The following SH3PXD2A variants were observed in gnomAD, a reference collection of about 807,000 sequenced individuals.
SH3PXD2A encodes SH3 and PX domains 2A, also known as SH3 and PX domain-containing protein 2A.
SH3PXD2A carries 32 observed loss-of-function variants against 115.2 expected under a neutral mutation model. That is an observed-to-expected ratio of 0.28 (90% CI 0.21 to 0.37). The LOEUF is 0.37. Among genes scored for constraint, SH3PXD2A ranks in the 10% least tolerant of loss-of-function variants. The pLI is 1.00. For missense variants in SH3PXD2A, 1,328 were observed against 1,498.7 expected, an observed-to-expected ratio of 0.89 and a Z score of 1.88; for synonymous variants, 610 against 629.1, an observed-to-expected ratio of 0.97 and a Z score of 0.45.
At chr10:103,769,181 T>TGTGTGTGC (rs1554921417) in intron 2 of SH3PXD2A, among the ~76,000 whole-genome samples, 19 of 112,944 alleles carry the variant, frequency 1.7e-4, no homozygotes, top group Admixed American at 7.9e-4. Context: ...TGTGTGTGTG[T>TGTGTGTGC]GCGCGCGCGC....
chr10:103,610,914 C>T (rs899648135), intron 13 of SH3PXD2A, among the ~76,000 whole-genome samples: 19 of 152,254 alleles, frequency 1.2e-4, no homozygotes, highest in African/African-American at 3.4e-4. Context: ...AAGACACACT[C>T]TTTCCACTAC....
At chr10:103,820,617 C>G (rs1247110742) in intron 1 of SH3PXD2A, among the ~76,000 whole-genome samples, 3 of 152,250 alleles carry the variant, frequency 2.0e-5, no homozygotes, top group Middle Eastern at 3.4e-3. Context: ...GAGCCCACCC[C>G]CAGTGAGCCT....
At chr10:103,615,537 T>TGTGTGTGTGTGTGTGTG (rs1554903781) in intron 11 of SH3PXD2A, among the ~76,000 whole-genome samples, 11 of 112,726 alleles carry the variant, frequency 9.8e-5, no homozygotes, top group East Asian at 4.6e-4. Flanking sequence ...TGTGTAGGGG[T>TGTGTGTGTGTGTGTGTG]TGGGGGAGGA....
At chr10:103,682,872 T>C (rs1474284613) in intron 6 of SH3PXD2A, among the ~76,000 whole-genome samples, 1 of 152,178 alleles carries the variant, frequency 6.6e-6, no homozygotes, top group African/African-American at 2.4e-5. Flanking sequence ...AGGAAGATCT[T>C]TGCCACATTC....
intron 4 of SH3PXD2A, among the ~76,000 whole-genome samples, chr10:103,725,758 G>A (rs2038233467): frequency 6.6e-6 from 1 of 152,102 alleles, no homozygotes; most frequent in Non-Finnish European, 1.5e-5. Context: ...GAACCCAGGA[G>A]GCAGAGGCTG....
At position 103,805,148 on chromosome 10, in the gene SH3PXD2A, C is replaced by T. The variant is rs79490543; in HGVS notation, c.73-3786G>A. 3.3e-5 allele frequency among the ~76,000 whole-genome samples: 5 copies of T among 152,314 alleles called. No individual in the cohort carries two copies. In the East Asian group the frequency reaches 7.7e-4, roughly 24 times the overall value. ...GGCTTAACACACATCCTCCATCCCACTAGCAATTAGGCTTCCCTTCACCTC... is the reference window on the plus strand; with the variant it reads ...GGCTTAACACACATCCTCCATCCCATTAGCAATTAGGCTTCCCTTCACCTC... On this transcript the variant is annotated intron_variant, in intron 1 of 14. Coordinates refer to ENST00000369774, the MANE Select transcript of SH3PXD2A (RefSeq NM_001394015.1).
chr10:103,734,883 G>A (rs1002300565), intron 4 of SH3PXD2A, among the ~76,000 whole-genome samples: 1 of 152,186 alleles, frequency 6.6e-6, no homozygotes, highest in Non-Finnish European at 1.5e-5. Flanking sequence ...TGAGCCAGAC[G>A]CTGTGCTGTT....
rs2036247666 is a variant in SH3PXD2A at position 103,603,264 on chromosome 10, G to T, written c.1954C>A (p.Leu652Met). The T allele has an allele frequency of 6.2e-7, 1 of 1,614,110 alleles. No individual in the cohort carries two copies. Residue 652 changes from leucine to methionine, a missense_variant, in exon 15 of 15, where the codon CTG becomes ATG. By Grantham distance (15) the Leu-to-Met change is conservative. Around this residue, in one of 5 missense-constraint regions of SH3PXD2A, gnomAD observed 574 missense variants for 565.7 expected, o/e 1.01. Transcript: ENST00000369774. ...GATTTGGGGGAGTTTTTCCTGGTCA[G>T]GGACAGCGAGGAGCTGCCTGGGGAG... is the stretch of plus-strand genomic sequence containing the variant. ...SDSPGSSSLS[L>M]TRKNSPKSGS...
chr10:103,819,844 G>C (rs916473440), intron 1 of SH3PXD2A, among the ~76,000 whole-genome samples: 3 of 151,974 alleles, frequency 2.0e-5, no homozygotes, highest in African/African-American at 7.3e-5. Flanking sequence ...GAGGGGGGGA[G>C]ATGGGAGCCC....
chr10:103,656,828 C>CAAAAA (rs10692439), intron 8 of SH3PXD2A, among the ~76,000 whole-genome samples: 8 of 111,860 alleles, frequency 7.2e-5, no homozygotes, highest in Admixed American at 1.9e-4. Flanking sequence ...AACTCCATCT[C>CAAAAA]AAAAAAAAAA....
In SH3PXD2A at chr10:103,809,711, G is replaced by C. The variant is rs185414675; in HGVS notation, c.73-8349C>G. ...CCTCCCTTCCTTCTTTTGAGAGAGA[G>C]TCTCGCTCTGTCATCCAGGCTGGAG... On this transcript the variant is annotated intron_variant, in intron 1 of 14. Coordinates refer to ENST00000369774, the MANE Select transcript of SH3PXD2A (RefSeq NM_001394015.1). 5.0e-3 allele frequency among the ~76,000 whole-genome samples: 631 copies of C among 126,248 alleles called. 8 individuals are homozygous for C. Among genetic ancestry groups the C allele is most frequent in the African/African-American group, 0.018 (592 of 32,942 alleles). The allele number at this position is 126,248 out of a possible 152,430, so 82.8% of individuals were successfully genotyped here. A position where few individuals can be genotyped will look rare whatever the true frequency, so the allele number is the denominator to read the frequency against.
Position 103,702,596 on chromosome 10 carries a change from C to CGTGTGTGTGTGTGTGTGTGTGT in SH3PXD2A, c.399-9541_399-9540insACACACACACACACACACACAC, listed in dbSNP as rs6144056. Among the ~76,000 whole-genome samples the CGTGTGTGTGTGTGTGTGTGTGT allele has an allele frequency of 7.1e-3, 1,050 of 147,528 alleles. 12 individuals carry two copies. Among genetic ancestry groups the CGTGTGTGTGTGTGTGTGTGTGT allele is most frequent in the East Asian group, 0.02 (98 of 4,882 alleles). On this transcript the variant is annotated intron_variant, in intron 5 of 14. Coordinates refer to ENST00000369774, the MANE Select transcript of SH3PXD2A (RefSeq NM_001394015.1). ...GAACAGATGTAAGCCTGTGTGTGTG[C>CGTGTGTGTGTGTGTGTGTGTGT]GTGTGTGTGTGTGTGTGCATGCTGG...
chr10:103,717,653 G>T (rs181654992), intron 5 of SH3PXD2A, among the ~76,000 whole-genome samples: 2 of 152,202 alleles, frequency 1.3e-5, no homozygotes, highest in African/African-American at 4.8e-5. Context: ...AGTTCCTAGC[G>T]TTCGTTTCAA....
At chr10:103,758,684 G>A (rs930976837) in intron 3 of SH3PXD2A, among the ~76,000 whole-genome samples, 4 of 152,374 alleles carry the variant, frequency 2.6e-5, no homozygotes, top group Admixed American at 6.5e-5. Context: ...AGATTACAGA[G>A]TAGGAGACTG....
intron 1 of SH3PXD2A, among the ~76,000 whole-genome samples, chr10:103,852,041 A>G (rs982652189): frequency 3.9e-5 from 6 of 152,238 alleles, no homozygotes; most frequent in Admixed American, 2.6e-4. Context: ...ATCCAGCATC[A>G]TCAGGACCAT....
intron 1 of SH3PXD2A, among the ~76,000 whole-genome samples, chr10:103,808,383 C>T (rs1258604985): frequency 6.6e-6 from 1 of 152,112 alleles, no homozygotes; most frequent in Non-Finnish European, 1.5e-5. Context: ...TCCTGACTAG[C>T]TGGCATTGCA....
intron 13 of SH3PXD2A, chr10:103,610,163 G>A (rs1410333683): frequency 6.6e-6 from 1 of 152,364 alleles, no homozygotes; most frequent in African/African-American, 2.4e-5. Context: ...GGGGTGGGAG[G>A]AAGCTGGTTT....
At chr10:103,648,680 C>T (rs1334131525) in intron 8 of SH3PXD2A, among the ~76,000 whole-genome samples, 8 of 152,242 alleles carry the variant, frequency 5.3e-5, no homozygotes, top group Non-Finnish European at 1.2e-4. Flanking sequence ...AATTCCATGA[C>T]ATTCATCATA....
intron 1 of SH3PXD2A, among the ~76,000 whole-genome samples, chr10:103,825,256 C>A (rs1397900340): frequency 1.3e-5 from 2 of 152,004 alleles, no homozygotes; most frequent in Non-Finnish European, 2.9e-5. Context: ...GAAAACCAAA[C>A]CTCCTGCTGC....
Sources: gnomAD v4.1 joint callset for allele counts (sites outside exome capture counted in the v4.1 genomes callset) on GRCh38, gnomAD v4.1.1 for gene constraint, gnomAD v4.1.1 regional missense constraint, MANE v1.5 for transcripts, NCBI Gene and HGNC (gene_info 2026-07-23, HGNC 2026-07-21) for gene names.